PDE1A: variants seen among roughly 807,000 people sequenced by gnomAD.
PDE1A encodes dual specificity calcium/calmodulin-dependent 3',5'-cyclic nucleotide phosphodiesterase 1A.
A neutral mutation model predicts 61.7 loss-of-function variants in PDE1A; 35 were observed. The observed-to-expected ratio is 0.57, with a 90% CI of 0.43 to 0.75. PDE1A has a LOEUF of 0.75. Ranked by LOEUF, PDE1A falls within the 30% of genes least tolerant of loss-of-function variation. The pLI is 0.00. For missense variants in PDE1A, 597 were observed against 630.6 expected (o/e 0.95, Z 0.57); for synonymous variants, 232 against 213.2 (o/e 1.09, Z -0.77).
At chr2:182,567,497 T>C in the PDE1A span, among the ~76,000 whole-genome samples, 3 of 152,156 alleles carry the variant, frequency 2.0e-5, no homozygotes, top group Non-Finnish European at 2.9e-5. Flanking sequence ...TACCACCAAA[T>C]TGGGAAACTT....
intron 2 of PDE1A, among the ~76,000 whole-genome samples, chr2:182,473,310 G>C (rs1405619913): frequency 6.6e-6 from 1 of 151,836 alleles, no homozygotes; most frequent in African/African-American, 2.4e-5. Flanking sequence ...CTTCTGCACA[G>C]CAAAAGAAAC....
chr2:182,679,986 G>A, the PDE1A span, among the ~76,000 whole-genome samples: 18 of 152,230 alleles, frequency 1.2e-4, no homozygotes, highest in Non-Finnish European at 2.1e-4. Flanking sequence ...TATGGCATTG[G>A]CATATGAGTA....
chr2:182,482,298 G>T (rs1161814759), intron 2 of PDE1A, among the ~76,000 whole-genome samples: 29 of 151,822 alleles, frequency 1.9e-4, no homozygotes, highest in Non-Finnish European at 2.4e-4. Flanking sequence ...CAATCTATCA[G>T]TATTGAGAAA....
Position 182,508,439 on chromosome 2 carries a change from A to G in PDE1A, c.101+13837T>C, listed in dbSNP as rs538907848. Among the ~76,000 whole-genome samples, 909 of 152,024 alleles carry G rather than the reference A, an allele frequency of 6.0e-3. 7 individuals are homozygous for G. The highest frequency in any genetic ancestry group is 0.021 in the African/African-American group (865 of 41,486). ...AGATATTCATGTGAAAAACAAAAAA[A>G]AAAGGTAAAAGTGGTTTACAAATGA... is the stretch of plus-strand genomic sequence containing the variant. On this transcript the variant is annotated intron_variant, in intron 2 of 14. Coordinates refer to the PDE1A transcript ENST00000410103.
chr2:182,697,082 A>AC, the PDE1A span, among the ~76,000 whole-genome samples: 10 of 152,008 alleles, frequency 6.6e-5, no homozygotes, highest in Non-Finnish European at 1.3e-4. Context: ...ACCAAATCTC[A>AC]CCCCCTCTGA....
the PDE1A span, among the ~76,000 whole-genome samples, chr2:182,594,323 T>C: frequency 2.3e-4 from 35 of 152,250 alleles, no homozygotes; most frequent in African/African-American, 8.4e-4. Context: ...AGATAGAGTC[T>C]AAGTATGGCA....
At chr2:182,555,852 G>A in the PDE1A span, among the ~76,000 whole-genome samples, 1 of 150,218 alleles carries the variant, frequency 6.7e-6, no homozygotes, top group Non-Finnish European at 1.5e-5. Context: ...CTGCAATCCC[G>A]GCTACTCAGG....
chr2:182,526,512 G>A (rs147710776), upstream of PDE1A, among the ~76,000 whole-genome samples: 10 of 152,272 alleles, frequency 6.6e-5, no homozygotes, highest in East Asian at 5.8e-4. Flanking sequence ...ACAAGAAAGC[G>A]TTAAGTGTGG....
chr2:182,663,713 A>T, the PDE1A span, among the ~76,000 whole-genome samples: 2 of 152,116 alleles, frequency 1.3e-5, no homozygotes, highest in Non-Finnish European at 2.9e-5. Context: ...AGGAAAAATA[A>T]CTAATGAGTA....
chr2:182,168,061 G>A, exon 14 of PDE1A: 2 of 1,290,422 alleles, frequency 1.5e-6, no homozygotes, highest in Non-Finnish European at 2.0e-6. Context: ...TAGCAGTTGA[G>A]CCCGGTGAAT....
chr2:182,220,003 T>A (rs903384703), intron 7 of PDE1A, among the ~76,000 whole-genome samples: 1 of 152,084 alleles, frequency 6.6e-6, no homozygotes, highest in Non-Finnish European at 1.5e-5. Context: ...TCTGATAGTC[T>A]GCCAGATAAA....
chr2:182,205,643 G>A (rs1359389711), intron 8 of PDE1A, among the ~76,000 whole-genome samples: 1 of 152,194 alleles, frequency 6.6e-6, no homozygotes, highest in Non-Finnish European at 1.5e-5. Flanking sequence ...AAATTGAGCA[G>A]AGCTCCATTC....
chr2:182,588,888 C>T, the PDE1A span, among the ~76,000 whole-genome samples: 1 of 151,604 alleles, frequency 6.6e-6, no homozygotes, highest in South Asian at 2.1e-4. Flanking sequence ...TACAAAAATA[C>T]AAAAATTAGC....
chr2:182,232,478 A>G (rs1689660584), intron 4 of PDE1A, among the ~76,000 whole-genome samples: 1 of 152,190 alleles, frequency 6.6e-6, no homozygotes, highest in African/African-American at 2.4e-5. Flanking sequence ...CCAAACTAAA[A>G]ATCTGATAAA....
chr2:182,258,938 A>C (rs946531841), intron 2 of PDE1A, among the ~76,000 whole-genome samples: 1 of 152,110 alleles, frequency 6.6e-6, no homozygotes, highest in African/African-American at 2.4e-5. Context: ...TTGTCTTCAC[A>C]ATTCTAGACC....
the PDE1A span, among the ~76,000 whole-genome samples, chr2:182,589,673 G>C: frequency 6.6e-6 from 1 of 152,210 alleles, no homozygotes; most frequent in African/African-American, 2.4e-5. Flanking sequence ...TCAGGCTAAA[G>C]AAATTTGTAT....
intron 6 of PDE1A, among the ~76,000 whole-genome samples, chr2:182,229,547 A>G (rs2125636141): frequency 6.6e-6 from 1 of 152,296 alleles, no homozygotes; most frequent in Admixed American, 6.5e-5. Context: ...AAATTTTGCA[A>G]AAATTGACAT....
chr2:182,693,331 A>G, the PDE1A span, among the ~76,000 whole-genome samples: 3 of 152,120 alleles, frequency 2.0e-5, no homozygotes, highest in Non-Finnish European at 4.4e-5. Flanking sequence ...ATATCATATC[A>G]TTTTATCATA....
At chr2:182,551,821 T>A in the PDE1A span, among the ~76,000 whole-genome samples, 1 of 152,192 alleles carries the variant, frequency 6.6e-6, no homozygotes, top group Non-Finnish European at 1.5e-5. Flanking sequence ...TCTTGACCCC[T>A]GCTAAAAAAT....
Sources: gnomAD v4.1 joint callset for allele counts (sites outside exome capture counted in the v4.1 genomes callset) on GRCh38, gnomAD v4.1.1 for gene constraint, MANE v1.5 for transcripts, NCBI Gene and HGNC (gene_info 2026-07-23, HGNC 2026-07-21) for gene names.